The following IL15 variants were observed in gnomAD, a reference collection of about 807,000 sequenced individuals.
IL15 encodes the protein interleukin 15.
In IL15, 11 loss-of-function variants were observed where a neutral mutation model predicts 19.6. The ratio of observed to expected loss-of-function variants is 0.56; its 90% CI spans 0.35 to 0.93. The LOEUF is 0.93. IL15 is among the 40% of genes least tolerant of loss of function. The pLI, the probability that IL15 is intolerant of heterozygous loss-of-function variation, is 0.01. For missense variants in IL15, 197 were observed against 186.5 expected, an observed-to-expected ratio of 1.06 and a Z score of -0.33; for synonymous variants, 58 against 59.6, an observed-to-expected ratio of 0.97 and a Z score of 0.12.
At chr4:141,654,768 G>T (rs1433430994) in intron 1 of IL15, among the ~76,000 whole-genome samples, 1 of 152,140 alleles carries the variant, frequency 6.6e-6, no homozygotes, top group Non-Finnish European at 1.5e-5. Flanking sequence ...GACTCTTGGG[G>T]CGAAGGTGCA....
intron 2 of IL15, among the ~76,000 whole-genome samples, chr4:141,697,604 A>G (rs1248932556): frequency 6.6e-6 from 1 of 152,086 alleles, no homozygotes; most frequent in Non-Finnish European, 1.5e-5. Context: ...TTTTGGCAAT[A>G]TGGTCATTTT....
At chr4:141,729,014 T>A (rs948796553) in intron 6 of IL15, among the ~76,000 whole-genome samples, 3 of 152,154 alleles carry the variant, frequency 2.0e-5, no homozygotes, top group Admixed American at 6.6e-5. Context: ...CCTTGGAGAT[T>A]GCTAAACATT....
chr4:141,718,371 A>T (rs562978530), intron 2 of IL15: 2 of 152,280 alleles, frequency 1.3e-5, no homozygotes, highest in African/African-American at 4.8e-5. Flanking sequence ...ATTACGGTAA[A>T]GTTTTATAAA....
At chr4:141,699,269 G>A (rs1579031689) in intron 2 of IL15, among the ~76,000 whole-genome samples, 1 of 152,158 alleles carries the variant, frequency 6.6e-6, no homozygotes, top group Non-Finnish European at 1.5e-5. Flanking sequence ...CTTGTAGAAT[G>A]CTCCATGTGC....
chr4:141,670,527 C>T (rs1728136804), intron 2 of IL15, among the ~76,000 whole-genome samples: 1 of 152,090 alleles, frequency 6.6e-6, no homozygotes, highest in Non-Finnish European at 1.5e-5. Flanking sequence ...TCCCTTAATT[C>T]AAGTAGATCA....
At chr4:141,667,371 G>A (rs1309088838) in intron 2 of IL15, among the ~76,000 whole-genome samples, 2 of 152,264 alleles carry the variant, frequency 1.3e-5, no homozygotes, top group Middle Eastern at 3.4e-3. Flanking sequence ...CTGTCTCCAG[G>A]TAGATAGTGT....
intron 2 of IL15, among the ~76,000 whole-genome samples, chr4:141,680,422 A>T (rs1171618164): frequency 6.6e-6 from 1 of 152,216 alleles, no homozygotes; most frequent in Non-Finnish European, 1.5e-5. Flanking sequence ...TGAATATCAG[A>T]GACTTTTCCA....
At chr4:141,715,489 C>G (rs1729852694) in intron 2 of IL15, 1 of 152,176 alleles carries the variant, frequency 6.6e-6, no homozygotes, top group Non-Finnish European at 1.5e-5. Flanking sequence ...TAATTTTTCA[C>G]TCTCTAATAA....
At position 141,675,710 on chromosome 4, in the gene IL15, CTGCCACT is replaced by C. The variant is rs551029867; in HGVS notation, c.-100+19405_-100+19411del. ...CTTGATATGTACCATAAAATGAGGA[CTGCCACT>C]TTGATTGCCCATCATTTCAAGATAC... On this transcript the variant is annotated intron_variant, in intron 2 of 7. Transcript: ENST00000320650. Among the ~76,000 whole-genome samples the C allele has an allele frequency of 4.0e-3, 606 of 152,246 alleles. 2 individuals are homozygous for C. The highest frequency in any genetic ancestry group is 0.014 in the African/African-American group (571 of 41,548).
At chr4:141,709,010 A>G (rs569935958) in intron 2 of IL15, among the ~76,000 whole-genome samples, 164 of 109,950 alleles carry the variant, frequency 1.5e-3, no homozygotes, top group Non-Finnish European at 6.3e-4. Flanking sequence ...GTAATTCAAT[A>G]TTATTCAATA....
At chr4:141,720,371 AC>A (rs1318297585) in intron 3 of IL15, 97 bp from the exon 4 acceptor site, 4 of 656,454 alleles carry the variant, frequency 6.1e-6, no homozygotes, top group Admixed American at 2.9e-5. Context: ...ATTATGACAA[AC>A]TTACATCTTT....
intron 1 of IL15, among the ~76,000 whole-genome samples, chr4:141,653,464 G>C (rs971472303): frequency 6.6e-6 from 1 of 152,120 alleles, no homozygotes; most frequent in Non-Finnish European, 1.5e-5. Flanking sequence ...TTCTATAGAT[G>C]CAACCAGTGC....
intron 6 of IL15, among the ~76,000 whole-genome samples, chr4:141,729,014 T>G (rs948796553): frequency 6.6e-6 from 1 of 152,154 alleles, no homozygotes; most frequent in African/African-American, 2.4e-5. Flanking sequence ...CCTTGGAGAT[T>G]GCTAAACATT....
intron 1 of IL15, among the ~76,000 whole-genome samples, chr4:141,645,592 T>C (rs913710968): frequency 2.0e-5 from 3 of 152,182 alleles, no homozygotes; most frequent in African/African-American, 7.2e-5. Flanking sequence ...CTCAGTCTCA[T>C]AGTAGTTTCA....
intron 2 of IL15, among the ~76,000 whole-genome samples, chr4:141,688,310 T>C (rs1186084524): frequency 1.3e-5 from 2 of 152,194 alleles, no homozygotes; most frequent in African/African-American, 4.8e-5. Flanking sequence ...AGAGTCTCAT[T>C]CTTAGAGACC....
chr4:141,685,849 T>G (rs1728690527), intron 2 of IL15, among the ~76,000 whole-genome samples: 1 of 152,242 alleles, frequency 6.6e-6, no homozygotes, highest in Non-Finnish European at 1.5e-5. Flanking sequence ...TCTCCTTCAT[T>G]TCTTCATAAC....
In IL15 at chr4:141,698,973, A is replaced by G. The variant is rs115520684; in HGVS notation, c.-99-20393A>G. 3.7e-3 allele frequency among the ~76,000 whole-genome samples: 563 copies of G among 152,134 alleles called. 1 individual carries two copies. Among genetic ancestry groups the G allele is most frequent in the Non-Finnish European group, 6.3e-3 (428 of 67,970 alleles). On this transcript the variant is annotated intron_variant, in intron 2 of 7. Coordinates refer to ENST00000320650, the MANE Select transcript of IL15 (RefSeq NM_000585.5). ...TTCATGTAGGCATTTAATGCTATTAACTTTCTTCTTAGCACTGCTTTTGCT... is the reference window on the plus strand; with the variant it reads ...TTCATGTAGGCATTTAATGCTATTAGCTTTCTTCTTAGCACTGCTTTTGCT...
chr4:141,684,787 C>A (rs1357045077), intron 2 of IL15, among the ~76,000 whole-genome samples: 1 of 152,142 alleles, frequency 6.6e-6, no homozygotes, highest in Non-Finnish European at 1.5e-5. Flanking sequence ...CATTTATTCA[C>A]AATAACTCAA....
intron 2 of IL15, among the ~76,000 whole-genome samples, chr4:141,684,548 C>T (rs1221601270): frequency 6.6e-6 from 1 of 152,154 alleles, no homozygotes; most frequent in Non-Finnish European, 1.5e-5. Context: ...CCTGCCTATC[C>T]ACATGTATTT....
Sources: allele counts gnomAD v4.1 joint callset (sites outside exome capture counted in the v4.1 genomes callset), GRCh38; gene constraint gnomAD v4.1.1; transcripts MANE v1.5; gene names NCBI Gene and HGNC (gene_info 2026-07-23, HGNC 2026-07-21).